Variants in PLCB1 observed in about 807,000 individuals in gnomAD.
PLCB1 encodes phospholipase C beta 1, also known as 1-phosphatidylinositol 4,5-bisphosphate phosphodiesterase beta-1.
A neutral mutation model predicts 161.8 loss-of-function variants in PLCB1; 46 were observed. That is an observed-to-expected ratio of 0.28 (90% CI 0.22 to 0.36). PLCB1 has a LOEUF of 0.36. Ranked by LOEUF, PLCB1 falls within the 10% of genes least tolerant of loss-of-function variation. PLCB1 has a pLI of 1.00. For synonymous variants in PLCB1, 517 were observed against 503.7 expected (o/e 1.03, Z -0.35); for missense variants, 1,016 against 1,472.5 (o/e 0.69, Z 5.07).
intron 3 of PLCB1, among the ~76,000 whole-genome samples, chr20:8,417,476 A>G (rs1979354617): frequency 6.6e-6 from 1 of 151,790 alleles, no homozygotes; most frequent in Non-Finnish European, 1.5e-5. Flanking sequence ...CTAGGTAAAA[A>G]CAGTGTCATT....
chr20:8,831,674 G>T (rs1451813218), intron 31 of PLCB1, among the ~76,000 whole-genome samples: 1 of 152,036 alleles, frequency 6.6e-6, no homozygotes, highest in Non-Finnish European at 1.5e-5. Flanking sequence ...CTGTCACCCA[G>T]CCTGGAGTGC....
At chr20:8,513,420 T>A (rs1320631492) in intron 3 of PLCB1, among the ~76,000 whole-genome samples, 2 of 152,216 alleles carry the variant, frequency 1.3e-5, no homozygotes, top group Non-Finnish European at 2.9e-5. Flanking sequence ...GTGAACACTG[T>A]TTTCATGGTA....
Position 8,264,182 on chromosome 20 carries a change from G to A in PLCB1, c.178-107200G>A, listed in dbSNP as rs1348094818. 3.3e-4 allele frequency among the ~76,000 whole-genome samples: 50 copies of A among 151,924 alleles called. 2 individuals are homozygous for A. The highest frequency in any genetic ancestry group is 1.0e-4 in the Non-Finnish European group (7 of 67,996). On this transcript the variant is annotated intron_variant, in intron 2 of 31. Transcript: ENST00000338037. ...TTTAAACTTGTTTGTTAAAAACTAA[G>A]ATGCAAACACACACATTAACCTACT... is the stretch of plus-strand genomic sequence containing the variant.
chr20:8,242,997 G>T (rs923307975), intron 2 of PLCB1, among the ~76,000 whole-genome samples: 13 of 151,984 alleles, frequency 8.6e-5, no homozygotes, highest in Admixed American at 5.2e-4. Context: ...AAAACAGGAA[G>T]TCAGTGGCCA....
At chr20:8,564,007 T>C (rs1986239319) in intron 3 of PLCB1, among the ~76,000 whole-genome samples, 1 of 152,152 alleles carries the variant, frequency 6.6e-6, no homozygotes, top group Non-Finnish European at 1.5e-5. Context: ...TTAAATTTCA[T>C]ATGGAACCAA....
intron 3 of PLCB1, among the ~76,000 whole-genome samples, chr20:8,470,030 A>T (rs1981984422): frequency 6.6e-6 from 1 of 152,162 alleles, no homozygotes; most frequent in African/African-American, 2.4e-5. Flanking sequence ...ATCACAAAAT[A>T]TGTGGTCTTT....
intron 2 of PLCB1, among the ~76,000 whole-genome samples, chr20:8,231,531 A>T (rs1226349696): frequency 6.6e-6 from 1 of 152,186 alleles, no homozygotes; most frequent in Non-Finnish European, 1.5e-5. Context: ...TCCTGCACAC[A>T]ATTGGCACTA....
At chr20:8,150,267 T>C (rs1351416576) in intron 1 of PLCB1, 27 bp from the exon 2 acceptor site, 1 of 993,420 alleles carries the variant, frequency 1.0e-6, no homozygotes, top group Non-Finnish European at 1.6e-6. Context: ...TATATGTTGA[T>C]ATTCATGTTT....
intron 2 of PLCB1, among the ~76,000 whole-genome samples, chr20:8,230,056 CAAAAAAAAAAAAA>C (rs547874616): frequency 3.4e-5 from 2 of 58,878 alleles, no homozygotes; most frequent in East Asian, 7.3e-4. Flanking sequence ...GACTTGGCAG[CAAAAAAAAAAAAA>C]AAAAAAAAAA....
chr20:8,690,230 T>C (rs6056020), intron 10 of PLCB1, among the ~76,000 whole-genome samples: 98,698 of 150,072 alleles, frequency 0.66, 33,511 homozygotes, highest in South Asian at 0.78. Flanking sequence ...CTGTAACCAC[T>C]CAACTGGGTT....
intron 2 of PLCB1, among the ~76,000 whole-genome samples, chr20:8,164,041 T>G (rs1180088821): frequency 6.6e-6 from 1 of 152,212 alleles, no homozygotes. Context: ...AAAGCAATTA[T>G]GCTCCAATCC....
At chr20:8,365,797 A>G (rs1986692193) in intron 2 of PLCB1, among the ~76,000 whole-genome samples, 1 of 152,188 alleles carries the variant, frequency 6.6e-6, no homozygotes, top group East Asian at 1.9e-4. Context: ...ACACCCAGCC[A>G]TTAATATCTT....
chr20:8,628,548 C>T, intron 4 of PLCB1, 117 bp downstream of exon 4: 1 of 1,047,990 alleles, frequency 9.5e-7, no homozygotes. Context: ...AAAATTTCAC[C>T]TAAAAATAAT....
Position 8,733,330 on chromosome 20 carries a change from C to A in PLCB1, c.1981C>A (p.His661Asn). 6.2e-7 allele frequency: 1 copy of A among 1,613,936 alleles called. No homozygotes were observed. The highest frequency in any genetic ancestry group is 8.5e-7 in the Non-Finnish European group (1 of 1,179,872). Residue 661 changes from histidine (H) to asparagine (N), a missense_variant, in exon 19 of 32, where the codon CAT (histidine) becomes AAT (asparagine). His to Asn is a moderately conservative substitution (Grantham distance 68). This residue lies in a region of PLCB1 where 67 missense variants were observed against 195.6 expected (regional missense o/e 0.34). Coordinates refer to ENST00000338037, the MANE Select transcript of PLCB1 (RefSeq NM_015192.4). ...AGAGTTCATGAGGAGGCCTGACAAGCATTTTGATCCATTTACTGAAGGCAT... is the reference window on the plus strand; with the variant it reads ...AGAGTTCATGAGGAGGCCTGACAAGAATTTTGATCCATTTACTGAAGGCAT... ...KPEFMRRPDK[H>N]FDPFTEGIVD...
At chr20:8,627,833 A>C (rs571215641) in intron 3 of PLCB1, among the ~76,000 whole-genome samples, 1 of 152,320 alleles carries the variant, frequency 6.6e-6, no homozygotes, top group South Asian at 2.1e-4. Flanking sequence ...ATCAGTACTG[A>C]CTGTTGGAGC....
chr20:8,486,785 G>T (rs572757329), intron 3 of PLCB1, among the ~76,000 whole-genome samples: 1 of 152,142 alleles, frequency 6.6e-6, no homozygotes. Context: ...GTGAGCCACC[G>T]CGCCCGGCCT....
chr20:8,650,288 C>T (rs1989279666), intron 7 of PLCB1, among the ~76,000 whole-genome samples: 1 of 152,034 alleles, frequency 6.6e-6, no homozygotes, highest in Admixed American at 6.6e-5. Flanking sequence ...GGAGCGGAAG[C>T]AGCTTTCCAT....
chr20:8,516,222 T>G (rs1984106291), intron 3 of PLCB1, among the ~76,000 whole-genome samples: 1 of 152,312 alleles, frequency 6.6e-6, no homozygotes, highest in South Asian at 2.1e-4. Context: ...TCATCTCACA[T>G]GTCCCCTCTG....
At chr20:8,772,063 T>TTC (rs1425802420) in intron 26 of PLCB1, among the ~76,000 whole-genome samples, 1 of 150,620 alleles carries the variant, frequency 6.6e-6, no homozygotes, top group Non-Finnish European at 1.5e-5. Flanking sequence ...TTTTTTTTTT[T>TTC]TTTTTAGAGG....
Sources: gnomAD v4.1 joint callset for allele counts (sites outside exome capture counted in the v4.1 genomes callset) on GRCh38, gnomAD v4.1.1 for gene constraint, gnomAD v4.1.1 regional missense constraint, MANE v1.5 for transcripts, NCBI Gene and HGNC (gene_info 2026-07-23, HGNC 2026-07-21) for gene names.